Variants in PDE7B observed in about 807,000 individuals in gnomAD.
PDE7B encodes 3',5'-cyclic-AMP phosphodiesterase 7B.
PDE7B carries 29 observed loss-of-function variants against 56.2 expected under a neutral mutation model. The ratio of observed to expected loss-of-function variants is 0.52; its 90% CI spans 0.38 to 0.70. The LOEUF (loss-of-function observed/expected upper bound fraction) is 0.70. Among genes scored for constraint, PDE7B ranks in the 30% least tolerant of loss-of-function variants. PDE7B has a pLI of 0.00. For synonymous variants in PDE7B, 197 were observed against 196.9 expected, an observed-to-expected ratio of 1.00 and a Z score of 0.00; for missense variants, 490 against 565.0, an observed-to-expected ratio of 0.87 and a Z score of 1.35.
At chr6:136,140,946 A>G (rs531857103) in intron 3 of PDE7B, among the ~76,000 whole-genome samples, 1 of 152,130 alleles carries the variant, frequency 6.6e-6, no homozygotes, top group East Asian at 1.9e-4. Flanking sequence ...TCCTGATTGA[A>G]TACCCTTTAT....
chr6:136,092,760 A>AAAAACAAAAC (rs371445827), intron 2 of PDE7B, among the ~76,000 whole-genome samples: 14 of 152,238 alleles, frequency 9.2e-5, no homozygotes, highest in African/African-American at 3.4e-4. Flanking sequence ...AGACTGTCTC[A>AAAAACAAAAC]AAAACAAAAC....
In PDE7B at chr6:135,935,190, T is replaced by TTTTATA. The variant is rs1436649469; in HGVS notation, c.22-12273_22-12272insTTATAT. 5.8e-4 allele frequency among the ~76,000 whole-genome samples: 21 copies of TTTTATA among 36,174 alleles called. 3 individuals carry two copies. The highest frequency in any genetic ancestry group is 0.029 in the Middle Eastern group (1 of 34). 23.7% of individuals were successfully genotyped at this position (36,174 alleles called of 152,430 possible). A position where few individuals can be genotyped will look rare whatever the true frequency, so the allele number is the denominator to read the frequency against. On this transcript the variant is annotated intron_variant, in intron 1 of 12. Coordinates refer to ENST00000308191, the MANE Select transcript of PDE7B (RefSeq NM_018945.4). ...GAGAATTTTATATATATATATTTATTTATATATATATATATATATATATAT... is the reference window on the plus strand; with the variant it reads ...GAGAATTTTATATATATATATTTATTTTTATATATATATATATATATATATATATAT...
At chr6:136,106,889 A>G (rs942270038) in intron 2 of PDE7B, among the ~76,000 whole-genome samples, 1 of 152,154 alleles carries the variant, frequency 6.6e-6, no homozygotes, top group Non-Finnish European at 1.5e-5. Flanking sequence ...CTTTACCCTC[A>G]TTGATGTAAG....
At chr6:135,860,547 G>T (rs1775126135) in intron 1 of PDE7B, among the ~76,000 whole-genome samples, 1 of 151,980 alleles carries the variant, frequency 6.6e-6, no homozygotes, top group South Asian at 2.1e-4. Context: ...GCGACATTCA[G>T]TATGGTTCAT....
Position 135,896,645 on chromosome 6 carries a change from A to T in PDE7B, c.21+44626A>T, listed in dbSNP as rs536179561. On this transcript the variant is annotated intron_variant, in intron 1 of 12. Coordinates refer to ENST00000308191, the MANE Select transcript of PDE7B (RefSeq NM_018945.4). Reference sequence around the variant, plus strand: ...ACTGTCCCCATTTTACAGATGAAAAAAAGGAGACGCAGAGAGGTTAAAAAA... The same window carrying T: ...ACTGTCCCCATTTTACAGATGAAAATAAGGAGACGCAGAGAGGTTAAAAAA... 2.6e-5 allele frequency among the ~76,000 whole-genome samples: 4 copies of T among 152,284 alleles called. No homozygotes were observed. The South Asian group carries it at 8.3e-4, about 32-fold the overall frequency.
chr6:135,906,227 A>C (rs979367320), intron 1 of PDE7B, among the ~76,000 whole-genome samples: 1 of 152,214 alleles, frequency 6.6e-6, no homozygotes, highest in African/African-American at 2.4e-5. Flanking sequence ...GAAGCATTTT[A>C]GAGAACTTAT....
At chr6:136,047,968 T>C (rs915328740) in intron 2 of PDE7B, among the ~76,000 whole-genome samples, 6 of 152,244 alleles carry the variant, frequency 3.9e-5, no homozygotes, top group Admixed American at 2.6e-4. Context: ...AAAGTGTTTA[T>C]TCAACTAAGT....
intron 2 of PDE7B, among the ~76,000 whole-genome samples, chr6:135,988,888 A>G (rs185988554): frequency 6.6e-6 from 1 of 152,318 alleles, no homozygotes; most frequent in Non-Finnish European, 1.5e-5. Context: ...AATAGTTGGT[A>G]AGCTTGTTGC....
intron 12 of PDE7B, 136 bp from the exon 13 acceptor site, chr6:136,191,478 C>A: frequency 1.4e-6 from 1 of 735,952 alleles, no homozygotes; most frequent in South Asian, 1.8e-5. Flanking sequence ...GCCAACCTGG[C>A]CAACATGGGG....
chr6:136,075,259 G>A (rs1777111394), intron 2 of PDE7B, among the ~76,000 whole-genome samples: 2 of 152,100 alleles, frequency 1.3e-5, no homozygotes. Context: ...AAATTATCTT[G>A]ATGTTCTCTG....
chr6:136,146,647 A>G (rs1778416820), intron 3 of PDE7B, among the ~76,000 whole-genome samples: 2 of 152,218 alleles, frequency 1.3e-5, no homozygotes, highest in Admixed American at 1.3e-4. Flanking sequence ...GGAAAAATTC[A>G]TCATACAAGT....
chr6:135,937,162 A>G (rs1774434386), intron 1 of PDE7B, among the ~76,000 whole-genome samples: 1 of 152,204 alleles, frequency 6.6e-6, no homozygotes, highest in Non-Finnish European at 1.5e-5. Flanking sequence ...TGTGGTGAGG[A>G]GCGACATTGG....
At chr6:135,879,533 T>G (rs1303972013) in intron 1 of PDE7B, among the ~76,000 whole-genome samples, 5 of 149,356 alleles carry the variant, frequency 3.3e-5, no homozygotes, top group African/African-American at 4.9e-5. Flanking sequence ...CAAAAAGTGG[T>G]TTTTTTTTTC....
intron 2 of PDE7B, among the ~76,000 whole-genome samples, chr6:136,086,021 A>G (rs1388227649): frequency 1.3e-5 from 2 of 152,140 alleles, no homozygotes; most frequent in African/African-American, 2.4e-5. Flanking sequence ...AAGTTTTACA[A>G]TTTCTCCAGG....
chr6:135,935,067 T>C (rs1254383542), intron 1 of PDE7B, among the ~76,000 whole-genome samples: 1 of 79,976 alleles, frequency 1.3e-5, no homozygotes, highest in East Asian at 4.0e-4. Flanking sequence ...ATGAAGTATA[T>C]ATTTATATAT....
rs141049410 is a variant in PDE7B, at chr6:136,064,986, T to C, written c.83-43745T>C. 1.3e-3 allele frequency among the ~76,000 whole-genome samples: 200 copies of C among 152,322 alleles called. 1 individual carries two copies. The highest frequency in any genetic ancestry group is 3.6e-3 in the African/African-American group (148 of 41,566). On this transcript the variant is annotated intron_variant, in intron 2 of 12. Coordinates refer to ENST00000308191, the MANE Select transcript of PDE7B (RefSeq NM_018945.4). ...AATGCAAGTAACAGAGTCCAACAAT[T>C]TGTAGGTTTACGAGGGTGGCATTTG...
intron 8 of PDE7B, among the ~76,000 whole-genome samples, chr6:136,161,143 C>A (rs1005072754): frequency 6.6e-6 from 1 of 151,998 alleles, no homozygotes; most frequent in African/African-American, 2.4e-5. Context: ...TCTCTAATTC[C>A]TCTCTTACTT....
At chr6:136,144,233 T>A (rs1391934976) in intron 3 of PDE7B, among the ~76,000 whole-genome samples, 2 of 152,104 alleles carry the variant, frequency 1.3e-5, no homozygotes, top group Non-Finnish European at 2.9e-5. Context: ...TTCTTAAATT[T>A]TTTATCATAA....
chr6:135,877,913 A>G (rs1003697137), intron 1 of PDE7B, among the ~76,000 whole-genome samples: 1 of 152,182 alleles, frequency 6.6e-6, no homozygotes, highest in Non-Finnish European at 1.5e-5. Context: ...TCGTATATTT[A>G]TACACCCTAT....
Sources: allele counts gnomAD v4.1 joint callset (sites outside exome capture counted in the v4.1 genomes callset), GRCh38; gene constraint gnomAD v4.1.1; transcripts MANE v1.5; gene names NCBI Gene and HGNC (gene_info 2026-07-23, HGNC 2026-07-21).